GRM1: variants seen among roughly 807,000 people sequenced by gnomAD.
GRM1 encodes the protein metabotropic glutamate receptor 1.
In GRM1, 33 loss-of-function variants were observed where a neutral mutation model predicts 90.9. The ratio of observed to expected loss-of-function variants is 0.36; its 90% CI spans 0.28 to 0.49. GRM1 has a LOEUF of 0.49. Among genes scored for constraint, GRM1 ranks in the 20% least tolerant of loss-of-function variants. The probability of loss-of-function intolerance (pLI) is 0.99; values close to 1 mark genes in which losing one functional copy is unlikely to be tolerated. For missense variants in GRM1, 1,190 were observed against 1,534.3 expected (o/e 0.78, Z 3.75); for synonymous variants, 700 against 613.2 (o/e 1.14, Z -2.09).
chr6:146,427,614 C>T (rs1339394263), intron 7 of GRM1, among the ~76,000 whole-genome samples: 3 of 152,184 alleles, frequency 2.0e-5, no homozygotes, highest in African/African-American at 7.2e-5. Context: ...CTGTTGTCTG[C>T]CTTTCTGCTA....
intron 2 of GRM1, among the ~76,000 whole-genome samples, chr6:146,278,592 A>G (rs1299748290): frequency 1.3e-5 from 2 of 152,144 alleles, no homozygotes; most frequent in Admixed American, 6.5e-5. Context: ...CCTGGCCAAC[A>G]TGGTGAAACC....
At chr6:146,276,597 A>C (rs1005090195) in intron 2 of GRM1, among the ~76,000 whole-genome samples, 11 of 152,164 alleles carry the variant, frequency 7.2e-5, no homozygotes, top group Non-Finnish European at 1.0e-4. Context: ...AAGAAAAAAA[A>C]TTAACAGGCA....
intron 7 of GRM1, among the ~76,000 whole-genome samples, chr6:146,402,005 A>C (rs947318829): frequency 2.0e-5 from 3 of 152,288 alleles, no homozygotes; most frequent in African/African-American, 7.2e-5. Context: ...AACTGAGAGC[A>C]TTCCCTTCAC....
intron 2 of GRM1, among the ~76,000 whole-genome samples, chr6:146,176,249 A>G (rs1235090420): frequency 6.6e-6 from 1 of 152,104 alleles, no homozygotes; most frequent in Non-Finnish European, 1.5e-5. Context: ...AGGATCCTTT[A>G]ACTGGCAATA....
At chr6:146,174,585 T>G (rs1037948596) in intron 2 of GRM1, among the ~76,000 whole-genome samples, 10 of 152,202 alleles carry the variant, frequency 6.6e-5, no homozygotes, top group African/African-American at 2.2e-4. Flanking sequence ...TACATACTAT[T>G]GGAAAATTTT....
At position 146,269,017 on chromosome 6, in the gene GRM1, GA is replaced by G. The variant is rs1452537192; in HGVS notation, c.951-35593del. Among the ~76,000 whole-genome samples the G allele has an allele frequency of 2.0e-5, 3 of 152,264 alleles. No homozygotes were observed. The South Asian group carries it at 6.2e-4, about 32-fold the overall frequency. On this transcript the variant is annotated intron_variant, in intron 2 of 7. Transcript: ENST00000282753. ...TAGAAAAAGAACAGCCTCTTCATCA[GA>G]GTTCTAATTTTTTTTCCCTAGACTT...
chr6:146,220,214 T>C (rs1267712293), intron 2 of GRM1, among the ~76,000 whole-genome samples: 1 of 152,188 alleles, frequency 6.6e-6, no homozygotes, highest in African/African-American at 2.4e-5. Context: ...TGGAAAGCAG[T>C]GTAAATATAG....
intron 1 of GRM1, among the ~76,000 whole-genome samples, chr6:146,087,444 G>A (rs186955266): frequency 1.3e-5 from 2 of 152,076 alleles, no homozygotes; most frequent in African/African-American, 4.8e-5. Context: ...GTGCACTTGT[G>A]TGTGTGTGTC....
chr6:146,154,006 G>A (rs1164524372), intron 1 of GRM1, among the ~76,000 whole-genome samples: 2 of 152,148 alleles, frequency 1.3e-5, no homozygotes, highest in African/African-American at 4.8e-5. Flanking sequence ...CGTGCCCATT[G>A]GTGAGATATT....
intron 1 of GRM1, among the ~76,000 whole-genome samples, chr6:146,126,276 A>G (rs1776195983): frequency 6.6e-6 from 1 of 152,162 alleles, no homozygotes; most frequent in Non-Finnish European, 1.5e-5. Flanking sequence ...CATATTGATG[A>G]CATAATATTT....
Position 146,182,010 on chromosome 6 carries a change from T to C in GRM1, c.950+22413T>C, listed in dbSNP as rs139399753. On this transcript the variant is annotated intron_variant, in intron 2 of 7. Transcript: ENST00000282753. The stretch of plus-strand genomic sequence containing the variant: ...AATTGAGAAAGGGTAGTTATTTTAT[T>C]AATAAAAAAGTTGTGAAAGGTTATG... Among the ~76,000 whole-genome samples, 54 of 152,248 alleles carry C rather than the reference T, an allele frequency of 3.5e-4. No homozygotes were observed. The East Asian group carries it at 0.01, about 29-fold the overall frequency.
chr6:146,309,464 C>T (rs1050770637), intron 3 of GRM1, among the ~76,000 whole-genome samples: 2 of 151,660 alleles, frequency 1.3e-5, no homozygotes, highest in South Asian at 2.1e-4. Context: ...CTCCTACTAA[C>T]GCTGCTTGAA....
chr6:146,366,365 T>C (rs1164493077), intron 5 of GRM1, among the ~76,000 whole-genome samples: 1 of 152,226 alleles, frequency 6.6e-6, no homozygotes, highest in Non-Finnish European at 1.5e-5. Flanking sequence ...TGTTCTCTTC[T>C]AGCCATTTTA....
At chr6:146,328,841 C>A (rs1014984770) in intron 3 of GRM1, among the ~76,000 whole-genome samples, 1 of 152,144 alleles carries the variant, frequency 6.6e-6, no homozygotes, top group African/African-American at 2.4e-5. Context: ...GAATTTGTCT[C>A]TATCTTCATT....
At position 146,437,152 on chromosome 6, in the gene GRM1, CT is replaced by C. The variant is rs1778617862; in HGVS notation, c.*2359del. ...ATTCATGAGGGAAAGCATATGATCT[CT>C]TTATTAGTGAATCATGCTTATTTTT... On this transcript the variant is annotated 3_prime_UTR_variant, in exon 8 of 8. Coordinates refer to ENST00000282753, the MANE Select transcript of GRM1 (RefSeq NM_001278064.2). The C allele has an allele frequency of 6.6e-6, 1 of 152,156 alleles. No homozygotes were observed. Among genetic ancestry groups the C allele is most frequent in the Admixed American group, 6.6e-5 (1 of 15,266 alleles). 9.4% of individuals were successfully genotyped at this position (152,156 alleles called of 1,614,324 possible).
At chr6:146,172,355 G>C (rs1386325144) in intron 2 of GRM1, among the ~76,000 whole-genome samples, 3 of 152,172 alleles carry the variant, frequency 2.0e-5, no homozygotes, top group African/African-American at 7.2e-5. Context: ...GGGCACACCT[G>C]TATAACTCAG....
chr6:146,037,194 C>T (rs1562419665), intron 1 of GRM1, among the ~76,000 whole-genome samples: 2 of 151,872 alleles, frequency 1.3e-5, no homozygotes, highest in Non-Finnish European at 2.9e-5. Flanking sequence ...GCCACCAAAG[C>T]GATGACTTCT....
At chr6:146,173,980 T>C (rs1299344874) in intron 2 of GRM1, among the ~76,000 whole-genome samples, 1 of 151,992 alleles carries the variant, frequency 6.6e-6, no homozygotes, top group Non-Finnish European at 1.5e-5. Flanking sequence ...TTACTCAGAG[T>C]TGTAGTTTCA....
intron 2 of GRM1, among the ~76,000 whole-genome samples, chr6:146,193,516 AG>A (rs1380827401): frequency 6.6e-6 from 1 of 152,186 alleles, no homozygotes; most frequent in African/African-American, 2.4e-5. Context: ...ACCTGTGTCA[AG>A]GGCTGTCAGT....
Sources: gnomAD v4.1 joint callset for allele counts (sites outside exome capture counted in the v4.1 genomes callset) on GRCh38, gnomAD v4.1.1 for gene constraint, MANE v1.5 for transcripts, NCBI Gene and HGNC (gene_info 2026-07-23, HGNC 2026-07-21) for gene names.